Variants in RPTOR observed in about 807,000 individuals in gnomAD.
The protein encoded by RPTOR is regulatory-associated protein of mTOR.
In RPTOR, 21 loss-of-function variants were observed where a neutral mutation model predicts 169.9. The ratio of observed to expected loss-of-function variants is 0.12; its 90% CI spans 0.09 to 0.18. The LOEUF is 0.18. Ranked by LOEUF, RPTOR falls within the 10% of genes least tolerant of loss-of-function variation. RPTOR has a pLI of 1.00. For missense variants in RPTOR, 1,133 were observed against 1,855.9 expected, an observed-to-expected ratio of 0.61 and a Z score of 7.16; for synonymous variants, 732 against 753.2, an observed-to-expected ratio of 0.97 and a Z score of 0.46.
In RPTOR at chr17:80,960,320, C is replaced by A; in HGVS notation, c.3605+115C>A. The A allele has an allele frequency of 7.1e-7, 1 of 1,400,876 alleles. No homozygotes were observed. The highest frequency in any genetic ancestry group is 9.8e-7 in the Non-Finnish European group (1 of 1,019,800). 86.8% of individuals were successfully genotyped at this position (1,400,876 alleles called of 1,614,324 possible). A position where few individuals can be genotyped will look rare whatever the true frequency, so the allele number is the denominator to read the frequency against. ...GGTTTCTCAGTGAGATGCAAAGCTT[C>A]CCCAGGAGCCTGCAGTGGCGTATTT... On this transcript the variant is annotated intron_variant, in intron 30 of 33. Coordinates refer to ENST00000306801, the MANE Select transcript of RPTOR (RefSeq NM_020761.3). The surrounding 1 kb of genome is among the most constrained non-coding windows in gnomAD (Gnocchi z 4.8).
At chr17:80,912,686 T>C (rs751518530) in intron 21 of RPTOR, among the ~76,000 whole-genome samples, 21 of 152,176 alleles carry the variant, frequency 1.4e-4, no homozygotes, top group Admixed American at 2.6e-4. Flanking sequence ...ACATGTAGTG[T>C]AGCTGGACGG....
chr17:80,796,600 A>C (rs2067103698), intron 7 of RPTOR, among the ~76,000 whole-genome samples: 1 of 152,168 alleles, frequency 6.6e-6, no homozygotes, highest in Non-Finnish European at 1.5e-5. Flanking sequence ...GCCTCAACAC[A>C]TGGGTATTAG....
Position 80,707,736 on chromosome 17 carries a change from G to A in RPTOR, c.349-105G>A. ...GAGAAACTCAGAGCCATGTGTCCAG[G>A]ACCACACAGCTATTAACTGCAAACC... On this transcript the variant is annotated intron_variant, in intron 3 of 33. Transcript: ENST00000306801. This position sits in a 1 kb window ranked among gnomAD's most constrained non-coding sequence, Gnocchi z 5.0. 9.1e-7 allele frequency: 1 copy of A among 1,096,664 alleles called. No homozygotes were observed. The highest frequency in any genetic ancestry group is 1.3e-6 in the Non-Finnish European group (1 of 762,746). The allele number at this position is 1,096,664 out of a possible 1,614,324, so 67.9% of individuals were successfully genotyped here.
At chr17:80,713,461 A>C (rs1567871243) in intron 4 of RPTOR, among the ~76,000 whole-genome samples, 1 of 152,270 alleles carries the variant, frequency 6.6e-6, no homozygotes, top group South Asian at 2.1e-4. Flanking sequence ...TGGACCAGTG[A>C]TCCTCCAGGA....
chr17:80,912,326 C>T (rs947641692), intron 21 of RPTOR, among the ~76,000 whole-genome samples: 1 of 152,090 alleles, frequency 6.6e-6, no homozygotes, highest in Non-Finnish European at 1.5e-5. Flanking sequence ...CAGTTGGAGG[C>T]CAGCGCTATT....
intron 2 of RPTOR, among the ~76,000 whole-genome samples, chr17:80,634,084 C>T (rs2065462435): frequency 1.3e-5 from 2 of 150,544 alleles, no homozygotes; most frequent in African/African-American, 2.5e-5. Flanking sequence ...TGTGTGCATA[C>T]TGTGTGTGTG....
At chr17:80,602,596 C>A in intron 1 of RPTOR, 1 of 618,770 alleles carries the variant, frequency 1.6e-6, no homozygotes, top group East Asian at 3.4e-5. Context: ...AACATGGTAA[C>A]AGGTACATAG....
chr17:80,725,022 C>T (rs1257951377), intron 4 of RPTOR, among the ~76,000 whole-genome samples: 2 of 152,182 alleles, frequency 1.3e-5, no homozygotes, highest in Non-Finnish European at 2.9e-5. Context: ...AGGGGTTTTG[C>T]GTTTTGTCTT....
At chr17:80,578,238 C>T (rs1261260470) in intron 1 of RPTOR, among the ~76,000 whole-genome samples, 1 of 152,126 alleles carries the variant, frequency 6.6e-6, no homozygotes, top group East Asian at 1.9e-4. Context: ...CATTTCACTC[C>T]AGATGTCAAC....
At chr17:80,925,623 C>T (rs904084597) in intron 24 of RPTOR, 143 bp downstream of exon 24, 7 of 664,040 alleles carry the variant, frequency 1.1e-5, no homozygotes, top group Admixed American at 8.4e-5. Context: ...TGAGGTAGAA[C>T]CGCAGAAGAA....
In RPTOR at chr17:80,743,862, GC is replaced by G. The variant is rs1567887538; in HGVS notation, c.655-10147del. Among the ~76,000 whole-genome samples the G allele has an allele frequency of 1.5e-3, 186 of 121,172 alleles. 36 individuals are homozygous for G. Among genetic ancestry groups the G allele is most frequent in the Non-Finnish European group, 2.3e-3 (130 of 56,852 alleles). The allele number at this position is 121,172 out of a possible 152,430, so 79.5% of individuals were successfully genotyped here. On this transcript the variant is annotated intron_variant, in intron 5 of 33. Coordinates refer to ENST00000306801, the MANE Select transcript of RPTOR (RefSeq NM_020761.3). ...AGCCCTGGTTACTAGCAGAGCCCTG[GC>G]TACTAGCACAGCCCTGGCTACTAGC... is the stretch of plus-strand genomic sequence containing the variant.
rs1598422529 is a variant in RPTOR at position 80,953,037 on chromosome 17, G to A, written c.3370+3490G>A. On this transcript the variant is annotated intron_variant, in intron 28 of 33. Transcript: ENST00000306801. ...GCACCACCACGCCTGGCTAATTTTT[G>A]TATTTTTAGTAGAGATGGGGTTTCA... Among the ~76,000 whole-genome samples the A allele has an allele frequency of 2.0e-5, 3 of 151,872 alleles. No homozygotes were observed. The South Asian group carries it at 6.2e-4, about 32-fold the overall frequency.
At chr17:80,814,599 A>G (rs1297344197) in intron 7 of RPTOR, among the ~76,000 whole-genome samples, 1 of 152,192 alleles carries the variant, frequency 6.6e-6, no homozygotes, top group African/African-American at 2.4e-5. Context: ...ATACAGTTTG[A>G]CAATCATTCA....
At chr17:80,840,810 TCTCACCACGCCGCAGCTCACA>T (rs2067633575) in intron 10 of RPTOR, among the ~76,000 whole-genome samples, 6 of 108,366 alleles carry the variant, frequency 5.5e-5, no homozygotes, top group South Asian at 3.4e-4. Context: ...GGCAGCTCAC[TCTCACCACGCCGCAGCTCACA>T]CTCACCGCAC....
intron 1 of RPTOR, among the ~76,000 whole-genome samples, chr17:80,565,272 G>T (rs2084566553): frequency 6.6e-6 from 1 of 152,174 alleles, no homozygotes; most frequent in Admixed American, 6.5e-5. Flanking sequence ...GAGTCTTTTT[G>T]TAACTGTTGG....
At chr17:80,785,977 C>T (rs948565467) in intron 6 of RPTOR, among the ~76,000 whole-genome samples, 1 of 152,158 alleles carries the variant, frequency 6.6e-6, no homozygotes, top group African/African-American at 2.4e-5. Flanking sequence ...CAGGAGTTTT[C>T]ATAGAGCGTC....
At chr17:80,693,910 G>A (rs987557805) in intron 3 of RPTOR, among the ~76,000 whole-genome samples, 16 of 152,212 alleles carry the variant, frequency 1.1e-4, no homozygotes, top group African/African-American at 3.6e-4. Context: ...GGCATGGTCC[G>A]GAGCGTCCAC....
intron 4 of RPTOR, among the ~76,000 whole-genome samples, chr17:80,709,859 G>A (rs1023900532): frequency 3.9e-5 from 6 of 152,024 alleles, no homozygotes; most frequent in African/African-American, 1.2e-4. Flanking sequence ...TTTTCCTATC[G>A]GTTTGAGGGA....
intron 11 of RPTOR, among the ~76,000 whole-genome samples, chr17:80,853,185 C>T (rs1455504451): frequency 6.6e-6 from 1 of 152,152 alleles, no homozygotes; most frequent in Non-Finnish European, 1.5e-5. Context: ...AACAAACTGA[C>T]CTCTCTGCAT....
Sources: allele counts gnomAD v4.1 joint callset (sites outside exome capture counted in the v4.1 genomes callset), GRCh38; gene constraint gnomAD v4.1.1; non-coding constraint Gnocchi (gnomAD v3.1); transcripts MANE v1.5; gene names NCBI Gene and HGNC (gene_info 2026-07-23, HGNC 2026-07-21).